The following SCFD2 variants were observed in gnomAD, a reference collection of about 807,000 sequenced individuals.
The protein encoded by SCFD2 is sec1 family domain-containing protein 2.
A neutral mutation model predicts 58.9 loss-of-function variants in SCFD2; 54 were observed. The observed-to-expected ratio is 0.92, with a 90% confidence interval of 0.74 to 1.15. SCFD2 has a LOEUF of 1.15. Ranked by LOEUF, SCFD2 falls within the 50% of genes most tolerant of loss-of-function variation. The pLI, the probability that SCFD2 is intolerant of heterozygous loss-of-function variation, is 0.00. For synonymous variants in SCFD2, 321 were observed against 335.9 expected (o/e 0.96, Z 0.49); for missense variants, 805 against 836.6 (o/e 0.96, Z 0.47).
At chr4:53,287,158 A>G (rs1731695711) in intron 3 of SCFD2, among the ~76,000 whole-genome samples, 1 of 152,042 alleles carries the variant, frequency 6.6e-6, no homozygotes, top group Admixed American at 6.5e-5. Flanking sequence ...TTTGTGGGAG[A>G]GTTTCATCTA....
chr4:52,958,453 G>A (rs1345579192), intron 5 of SCFD2, among the ~76,000 whole-genome samples: 2 of 152,158 alleles, frequency 1.3e-5, no homozygotes, highest in African/African-American at 4.8e-5. Flanking sequence ...GTTTTCTGAC[G>A]TTCCTTTCAG....
At chr4:53,203,277 G>T (rs1425317629) in intron 4 of SCFD2, among the ~76,000 whole-genome samples, 2 of 152,070 alleles carry the variant, frequency 1.3e-5, no homozygotes, top group Non-Finnish European at 2.9e-5. Flanking sequence ...TGCATCTATT[G>T]AGATAATCAT....
intron 7 of SCFD2, among the ~76,000 whole-genome samples, chr4:52,897,747 T>C (rs1719062368): frequency 1.3e-5 from 2 of 152,186 alleles, no homozygotes; most frequent in African/African-American, 4.8e-5. Flanking sequence ...CTCCTCCTTG[T>C]ACCTCTGGTA....
intron 5 of SCFD2, among the ~76,000 whole-genome samples, chr4:52,952,795 C>T (rs1042058755): frequency 2.0e-5 from 3 of 152,186 alleles, no homozygotes; most frequent in Middle Eastern, 3.4e-3. Flanking sequence ...AAATGATGAT[C>T]CTTTCATTCC....
chr4:53,004,168 C>T (rs942395231), intron 5 of SCFD2, among the ~76,000 whole-genome samples: 7 of 152,108 alleles, frequency 4.6e-5, no homozygotes, highest in Admixed American at 3.9e-4. Flanking sequence ...AACATGCACA[C>T]GATATGTGGT....
chr4:53,213,488 T>C (rs1414266897), intron 4 of SCFD2, among the ~76,000 whole-genome samples: 4 of 152,120 alleles, frequency 2.6e-5, no homozygotes, highest in African/African-American at 9.7e-5. Context: ...CTTTCAGTCA[T>C]GCTCTGTAAA....
intron 2 of SCFD2, among the ~76,000 whole-genome samples, chr4:53,324,916 C>A (rs982560953): frequency 4.6e-5 from 7 of 152,122 alleles, no homozygotes; most frequent in Non-Finnish European, 4.4e-5. Flanking sequence ...AATATTGATA[C>A]TAATTAACTA....
At chr4:53,254,355 C>T (rs1730517391) in intron 4 of SCFD2, among the ~76,000 whole-genome samples, 1 of 152,168 alleles carries the variant, frequency 6.6e-6, no homozygotes, top group Non-Finnish European at 1.5e-5. Context: ...CCCCTGCATG[C>T]ACTCACTCCA....
intron 5 of SCFD2, among the ~76,000 whole-genome samples, chr4:52,981,702 C>G (rs527874800): frequency 3.3e-5 from 5 of 151,924 alleles, no homozygotes; most frequent in South Asian, 4.1e-4. Context: ...GGCCCCGAGT[C>G]AAAAAGAATT....
intron 3 of SCFD2, among the ~76,000 whole-genome samples, chr4:53,305,405 T>C (rs933435900): frequency 6.6e-6 from 1 of 152,140 alleles, no homozygotes; most frequent in Non-Finnish European, 1.5e-5. Context: ...GACTATTCTT[T>C]CCCATTGTGT....
chr4:53,248,807 A>G (rs969792577), intron 4 of SCFD2, among the ~76,000 whole-genome samples: 1 of 152,234 alleles, frequency 6.6e-6, no homozygotes, highest in African/African-American at 2.4e-5. Context: ...CCATCTGTAC[A>G]TCACCATCAT....
At chr4:53,282,168 C>A (rs762955042) in intron 3 of SCFD2, among the ~76,000 whole-genome samples, 4 of 152,082 alleles carry the variant, frequency 2.6e-5, no homozygotes, top group African/African-American at 9.7e-5. Context: ...GAGGTTAATT[C>A]TTTCTACTTG....
intron 3 of SCFD2, among the ~76,000 whole-genome samples, chr4:53,275,561 C>T (rs1731302579): frequency 6.6e-6 from 1 of 152,206 alleles, no homozygotes; most frequent in South Asian, 2.1e-4. Context: ...TTCTAGTGTA[C>T]AGTTCTATGA....
At chr4:53,178,458 C>A (rs921743485) in intron 4 of SCFD2, among the ~76,000 whole-genome samples, 1 of 152,170 alleles carries the variant, frequency 6.6e-6, no homozygotes, top group African/African-American at 2.4e-5. Context: ...AGAAGGAAAA[C>A]TAACAAACAG....
chr4:53,016,776 T>C (rs1202615605), intron 5 of SCFD2, among the ~76,000 whole-genome samples: 1 of 152,124 alleles, frequency 6.6e-6, no homozygotes, highest in Non-Finnish European at 1.5e-5. Flanking sequence ...GAAATATGAA[T>C]CTTTCAAGAT....
chr4:53,135,776 T>C (rs1329243948), intron 5 of SCFD2, among the ~76,000 whole-genome samples: 1 of 152,028 alleles, frequency 6.6e-6, no homozygotes, highest in African/African-American at 2.4e-5. Context: ...TGACACAGTC[T>C]CCACCACTCC....
rs530868212 is a variant in SCFD2, at chr4:53,339,776, G to GA, written c.1007+12821dup. Among the ~76,000 whole-genome samples the GA allele has an allele frequency of 3.7e-3, 511 of 139,390 alleles. 3 individuals are homozygous for GA. The highest frequency in any genetic ancestry group is 5.6e-3 in the Non-Finnish European group (355 of 63,336). 91.4% of individuals were successfully genotyped at this position (139,390 alleles called of 152,430 possible). Reference sequence around the variant, plus strand: ...CAGAGTGAGACTCTGTCTCAAAAAAGAAAAAAAAAAGTGCTATTACATACA... The same window carrying GA: ...CAGAGTGAGACTCTGTCTCAAAAAAGAAAAAAAAAAAGTGCTATTACATACA... On this transcript the variant is annotated intron_variant, in intron 2 of 8. Coordinates refer to ENST00000401642, the MANE Select transcript of SCFD2 (RefSeq NM_152540.4).
At chr4:53,061,787 G>A (rs1322063362) in intron 5 of SCFD2, among the ~76,000 whole-genome samples, 2 of 152,016 alleles carry the variant, frequency 1.3e-5, no homozygotes, top group African/African-American at 2.4e-5. Context: ...TTCTCATAAC[G>A]GCAATATGTC....
chr4:52,987,125 T>G (rs1721513601), intron 5 of SCFD2, among the ~76,000 whole-genome samples: 1 of 152,070 alleles, frequency 6.6e-6, no homozygotes, highest in Non-Finnish European at 1.5e-5. Context: ...GCCTCCCAGG[T>G]TCACGCCATT....
Sources: gnomAD v4.1 joint callset for allele counts (sites outside exome capture counted in the v4.1 genomes callset) on GRCh38, gnomAD v4.1.1 for gene constraint, MANE v1.5 for transcripts, NCBI Gene and HGNC (gene_info 2026-07-23, HGNC 2026-07-21) for gene names.